The following ASAP1 variants were observed in gnomAD, a reference collection of about 807,000 sequenced individuals.
The protein encoded by ASAP1 is arf-GAP with SH3 domain, ANK repeat and PH domain-containing protein 1.
Under a neutral mutation model 145.2 loss-of-function variants are expected in ASAP1, and 43 were observed. The ratio of observed to expected loss-of-function variants is 0.30; its 90% confidence interval spans 0.23 to 0.38. ASAP1 has a LOEUF of 0.38. Among genes scored for constraint, ASAP1 ranks in the 10% least tolerant of loss-of-function variants. ASAP1 has a pLI of 1.00. For synonymous variants in ASAP1, 546 were observed against 515.5 expected, an observed-to-expected ratio of 1.06 and a Z score of -0.80; for missense variants, 1,018 against 1,355.3, an observed-to-expected ratio of 0.75 and a Z score of 3.91.
At chr8:130,140,033 TTTTG>T in intron 13 of ASAP1, among the ~76,000 whole-genome samples, 1 of 140,898 alleles carries the variant, frequency 7.1e-6, no homozygotes, top group Admixed American at 6.9e-5. Flanking sequence ...TCTTTCTCCT[TTTTG>T]TTTTTTTTTT....
intron 20 of ASAP1, 53 bp from the exon 21 acceptor site, chr8:130,117,048 C>G: frequency 7.6e-7 from 1 of 1,309,576 alleles, no homozygotes; most frequent in Non-Finnish European, 1.1e-6. Context: ...TAACTTAAAA[C>G]TATAGATTAG....
At chr8:130,379,019 C>T (rs1827637300) in intron 2 of ASAP1, among the ~76,000 whole-genome samples, 1 of 152,098 alleles carries the variant, frequency 6.6e-6, no homozygotes. Context: ...AGAGTGTCTT[C>T]TGTACGCTAA....
chr8:130,154,962 C>T (rs1442868795), intron 12 of ASAP1, among the ~76,000 whole-genome samples: 4 of 152,204 alleles, frequency 2.6e-5, no homozygotes, highest in African/African-American at 9.7e-5. Context: ...GTTAACGTGA[C>T]TAACTCTCTG....
intron 2 of ASAP1, among the ~76,000 whole-genome samples, chr8:130,360,521 TC>T (rs1433894312): frequency 6.6e-6 from 1 of 152,222 alleles, no homozygotes; most frequent in Non-Finnish European, 1.5e-5. Flanking sequence ...CTCATCAATG[TC>T]CTCTAAGAGG....
chr8:130,103,984 C>T (rs1234278471), intron 24 of ASAP1, among the ~76,000 whole-genome samples: 1 of 152,186 alleles, frequency 6.6e-6, no homozygotes, highest in South Asian at 2.1e-4. Context: ...GGAATACCCA[C>T]TCTTATCTCT....
rs191544427 is a variant in ASAP1, at chr8:130,238,294, A to C, written c.187-1300T>G. On this transcript the variant is annotated intron_variant, in intron 3 of 29. Transcript: ENST00000518721. ...CTGGTCACATCAGCTTAAGACTGCC[A>C]GTGGTTCTGTTTCTTGATGTGAGGA... 5.3e-5 allele frequency among the ~76,000 whole-genome samples: 8 copies of C among 152,254 alleles called. No individual in the cohort carries two copies. The South Asian group carries it at 1.5e-3, about 28-fold the overall frequency.
rs981315048 is a variant in ASAP1, at chr8:130,251,155, C to T, written c.187-14161G>A. Among the ~76,000 whole-genome samples, 13 of 152,168 alleles carry T rather than the reference C, an allele frequency of 8.5e-5. No homozygotes were observed. In the East Asian group the frequency reaches 1.9e-3, roughly 23 times the overall value. On this transcript the variant is annotated intron_variant, in intron 3 of 29. Transcript: ENST00000518721. The stretch of plus-strand genomic sequence containing the variant: ...AAAATGGGCCAGGCGTGATGGCTCA[C>T]GCCTATAATCTCAGCTCTCTGGGAG...
intron 1 of ASAP1, among the ~76,000 whole-genome samples, chr8:130,435,222 T>C (rs1251623686): frequency 6.6e-6 from 1 of 152,218 alleles, no homozygotes; most frequent in African/African-American, 2.4e-5. Context: ...GTCACATAAC[T>C]AGTCAGTATC....
At position 130,434,585 on chromosome 8, in the gene ASAP1, T is replaced by G. The variant is rs187208236; in HGVS notation, c.-28+8875A>C. On this transcript the variant is annotated intron_variant, in intron 1 of 29. Transcript: ENST00000518721. ...GTCCAGTGGTTTTCCCACAGCATCA[T>G]GACAAATGCTCCTACCCTCCACCCG... Among the ~76,000 whole-genome samples, 551 of 152,206 alleles carry G rather than the reference T, an allele frequency of 3.6e-3. 1 individual carries two copies. Among genetic ancestry groups the G allele is most frequent in the Admixed American group, 8.6e-3 (131 of 15,288 alleles).
intron 12 of ASAP1, among the ~76,000 whole-genome samples, chr8:130,154,063 C>T (rs1022886179): frequency 1.6e-4 from 24 of 152,050 alleles, no homozygotes; most frequent in Non-Finnish European, 1.0e-4. Flanking sequence ...GAAAGTAACT[C>T]AAGAAGTCTG....
Position 130,159,869 on chromosome 8 carries a change from A to G in ASAP1, c.1005T>C (p.Ser335=), listed in dbSNP as rs549615630. The G allele has an allele frequency of 1.9e-5, 31 of 1,613,224 alleles. No individual in the cohort carries two copies. In the African/African-American group the frequency reaches 4.0e-4, roughly 21 times the overall value. Residue 335 remains serine, a synonymous_variant, in exon 12 of 30, where the codon AGT becomes AGC. Coordinates refer to ENST00000518721, the MANE Select transcript of ASAP1 (RefSeq NM_018482.4). ...TGGGCTGGGCTCATACATACCCGTC[A>G]CTTTTCTTTAGCAGGTACCCCTTCT... ...SEKKGYLLKK[S]DGIRKVWQRR... is the part of the protein sequence containing the mutation.
chr8:130,257,904 T>C (rs1259427977), intron 3 of ASAP1, among the ~76,000 whole-genome samples: 2 of 151,928 alleles, frequency 1.3e-5, no homozygotes, highest in South Asian at 2.1e-4. Flanking sequence ...AAGAAGAGAT[T>C]GCAAATGTGG....
intron 29 of ASAP1, 114 bp from the exon 30 acceptor site, chr8:130,054,919 A>T (rs2097400379): frequency 1.3e-6 from 1 of 798,278 alleles, no homozygotes. Context: ...GTGGAATCCC[A>T]GGCTTACCCT....
At chr8:130,188,073 C>T in intron 6 of ASAP1, 36 bp downstream of exon 6, 1 of 1,480,988 alleles carries the variant, frequency 6.8e-7, no homozygotes, top group African/African-American at 1.4e-5. Context: ...TTAATCCTTT[C>T]AAGTTAAAGT....
At position 130,358,157 on chromosome 8, in the gene ASAP1, C is replaced by A. The variant is rs1826458987; in HGVS notation, c.60-14G>T. Reference sequence around the variant, plus strand: ...TGGTCCGGCATCCTGCCGGGAGGGACGAGACACAAGCGGGGGCGGGGGGTG... The same window carrying A: ...TGGTCCGGCATCCTGCCGGGAGGGAAGAGACACAAGCGGGGGCGGGGGGTG... On this transcript the variant is annotated splice_polypyrimidine_tract_variant and intron_variant, in intron 2 of 29. Transcript: ENST00000518721. The surrounding 1 kb of genome is among the most constrained non-coding windows in gnomAD (Gnocchi z 4.1). 1 of 1,595,758 alleles carries A rather than the reference C, an allele frequency of 6.3e-7. No homozygotes were observed.
At chr8:130,433,798 T>C (rs1471181766) in intron 1 of ASAP1, among the ~76,000 whole-genome samples, 1 of 152,206 alleles carries the variant, frequency 6.6e-6, no homozygotes, top group Non-Finnish European at 1.5e-5. Flanking sequence ...CCACTTTCCT[T>C]ATATATTGCT....
At chr8:130,237,727 T>C (rs1818298832) in intron 3 of ASAP1, among the ~76,000 whole-genome samples, 1 of 152,078 alleles carries the variant, frequency 6.6e-6, no homozygotes, top group South Asian at 2.1e-4. Flanking sequence ...GTTTAGTTTG[T>C]TAAAATTCAG....
intron 23 of ASAP1, 198 bp downstream of exon 23, chr8:130,115,430 C>G (rs770829190): frequency 3.6e-6 from 2 of 551,868 alleles, no homozygotes; most frequent in Non-Finnish European, 6.4e-6. Flanking sequence ...CTCTCCCTAT[C>G]CTGTTGGCTC....
chr8:130,392,164 T>C (rs747725917), intron 2 of ASAP1, among the ~76,000 whole-genome samples: 1 of 152,216 alleles, frequency 6.6e-6, no homozygotes. Context: ...TGCAGATGCC[T>C]GGGACTCACC....
Sources: allele counts gnomAD v4.1 joint callset (sites outside exome capture counted in the v4.1 genomes callset), GRCh38; gene constraint gnomAD v4.1.1; non-coding constraint Gnocchi (gnomAD v3.1); transcripts MANE v1.5; gene names NCBI Gene and HGNC (gene_info 2026-07-23, HGNC 2026-07-21).